DPEP1: variants seen among roughly 807,000 people sequenced by gnomAD.
DPEP1 encodes the protein dipeptidase 1.
Under a neutral mutation model 42.3 loss-of-function variants are expected in DPEP1, and 50 were observed. The observed-to-expected ratio is 1.18, with a 90% CI of 0.94 to 1.50. The LOEUF (loss-of-function observed/expected upper bound fraction) is 1.50, where lower values mean the gene tolerates loss of function less well. Ranked by LOEUF, DPEP1 falls within the 40% of genes most tolerant of loss-of-function variation. The pLI, the probability that DPEP1 is intolerant of heterozygous loss-of-function variation, is 0.00. For missense variants in DPEP1, 663 were observed against 553.0 expected (o/e 1.20, Z -1.99); for synonymous variants, 297 against 234.0 (o/e 1.27, Z -2.46).
chr16:89,626,725 G>A (rs2059518201), intron 1 of DPEP1, among the ~76,000 whole-genome samples: 2 of 151,930 alleles, frequency 1.3e-5, no homozygotes, highest in African/African-American at 2.4e-5. Flanking sequence ...TTTAAGACAT[G>A]CCTTGCCTCC....
At chr16:89,633,889 C>A (rs1399084926) in intron 2 of DPEP1, among the ~76,000 whole-genome samples, 1 of 152,124 alleles carries the variant, frequency 6.6e-6, no homozygotes, top group African/African-American at 2.4e-5. Flanking sequence ...GGGGCACAGC[C>A]CACATTACAG....
chr16:89,635,959 G>A lies in DPEP1; in HGVS notation c.156G>A (p.Gln52=), dbSNP rs765437850. The A allele has an allele frequency of 6.2e-7, 1 of 1,612,192 alleles. No homozygotes were observed. Among genetic ancestry groups the A allele is most frequent in the South Asian group, 1.1e-5 (1 of 91,020 alleles). The change falls in exon 3 of 11, where the codon CAG becomes CAA. Residue 52 remains glutamine (Q), a synonymous_variant. Transcript: ENST00000690203. ...TGGATATGTTCAACAACCGGCTGCAGGACGAGAGGGCCAACCTGACCACCT... is the reference window on the plus strand; with the variant it reads ...TGGATATGTTCAACAACCGGCTGCAAGACGAGAGGGCCAACCTGACCACCT... ...QLLDMFNNRL[Q]DERANLTTLA...
chr16:89,638,631 C>T (rs1008567677), downstream of DPEP1, among the ~76,000 whole-genome samples: 8 of 151,350 alleles, frequency 5.3e-5, no homozygotes, highest in East Asian at 7.8e-4. Context: ...CCAGTAGTCA[C>T]CTCCAGCCAT....
At chr16:89,620,294 A>G (rs1172680098) in intron 1 of DPEP1, among the ~76,000 whole-genome samples, 1 of 151,994 alleles carries the variant, frequency 6.6e-6, no homozygotes, top group Non-Finnish European at 1.5e-5. Context: ...TGGGGGGGAC[A>G]CACGACCTGG....
rs774380984 is a variant in DPEP1, at chr16:89,636,657, C to A, written c.495C>A (p.Thr165=). Residue 165 remains threonine (T), a synonymous_variant, in exon 5 of 11, where the codon ACC becomes ACA. Coordinates refer to ENST00000690203, the MANE Select transcript of DPEP1 (RefSeq NM_001389466.1). ...ALYQLGMRYL[T]LTHSCNTPWA... ...ATCAGCTGGGCATGCGGTACCTGAC[C>A]CTCACCCACAGCTGCAACACGCCCT... The A allele has an allele frequency of 1.9e-6, 3 of 1,612,436 alleles. No homozygotes were observed. The highest frequency in any genetic ancestry group is 3.3e-5 in the Admixed American group (2 of 59,998).
In DPEP1 at chr16:89,630,485, G is replaced by A. The variant is rs772984140; in HGVS notation, c.75G>A (p.Arg25=). 1.2e-6 allele frequency: 2 copies of A among 1,603,840 alleles called. No individual in the cohort carries two copies. The highest frequency in any genetic ancestry group is 2.2e-5 in the South Asian group (2 of 90,548). The change falls in exon 2 of 11, where the codon AGG becomes AGA. Residue 25 remains arginine, a synonymous_variant. Coordinates refer to ENST00000690203, the MANE Select transcript of DPEP1 (RefSeq NM_001389466.1). ...ACTTCTTTCGGGACGAGGCAGAGAG[G>A]ATCATGAGGGACTCCCCTGTCATTG... is the stretch of plus-strand genomic sequence containing the variant. The part of the protein sequence containing the change: ...TADFFRDEAE[R]IMRDSPVIDG...
At chr16:89,638,528 A>T, downstream of DPEP1, 18 of 1,189,850 alleles carry the variant, frequency 1.5e-5, no homozygotes, top group Non-Finnish European at 1.8e-5. Flanking sequence ...GTGATCCTGG[A>T]TCGAGTCTTC....
At chr16:89,613,988 A>G (rs1233181420) in intron 1 of DPEP1, among the ~76,000 whole-genome samples, 1 of 145,266 alleles carries the variant, frequency 6.9e-6, no homozygotes, top group African/African-American at 2.6e-5. Context: ...GGCTGGCACC[A>G]GGTGTGTGGG....
At chr16:89,627,302 A>C (rs1395466581) in intron 1 of DPEP1, among the ~76,000 whole-genome samples, 12 of 127,202 alleles carry the variant, frequency 9.4e-5, no homozygotes, top group South Asian at 7.7e-4. Flanking sequence ...CAGATGTGGG[A>C]TCAGGCATGG....
intron 6 of DPEP1, 102 bp downstream of exon 6, chr16:89,637,037 G>C: frequency 6.5e-7 from 1 of 1,546,014 alleles, no homozygotes; most frequent in Non-Finnish European, 8.7e-7. Flanking sequence ...CAGTGTCCTT[G>C]TCTGTAAAAT....
intron 2 of DPEP1, among the ~76,000 whole-genome samples, chr16:89,634,323 G>C (rs1013126939): frequency 1.3e-5 from 2 of 152,056 alleles, no homozygotes; most frequent in African/African-American, 2.4e-5. Flanking sequence ...TCCTGACCTT[G>C]TGATCTGCCC....
In DPEP1 at chr16:89,615,281, G is replaced by A. The variant is rs1041869005; in HGVS notation, c.-107+1562G>A. 5.9e-5 allele frequency among the ~76,000 whole-genome samples: 9 copies of A among 152,186 alleles called. No individual in the cohort carries two copies. The South Asian group carries it at 1.0e-3, about 17-fold the overall frequency. On this transcript the variant is annotated intron_variant, in intron 1 of 10. Coordinates refer to ENST00000690203, the MANE Select transcript of DPEP1 (RefSeq NM_001389466.1). ...AGCCCCAAAGCGGCCTCTCAGAGCC[G>A]CCCCTGAGGGGTGGCCTCACAGGTC...
At position 89,635,886 on chromosome 16, in the gene DPEP1, G is replaced by A. The variant is rs774020055; in HGVS notation, c.105-22G>A. On this transcript the variant is annotated intron_variant, in intron 2 of 10. Coordinates refer to ENST00000690203, the MANE Select transcript of DPEP1 (RefSeq NM_001389466.1). ...TCCCAGTGGCCGCCCTGACTGCCTGGCCTCTCCCCGGCAAACTCCAGGCAC... is the reference window on the plus strand; with the variant it reads ...TCCCAGTGGCCGCCCTGACTGCCTGACCTCTCCCCGGCAAACTCCAGGCAC... The A allele has an allele frequency of 2.5e-6, 4 of 1,575,744 alleles. No homozygotes were observed. The East Asian group carries it at 6.7e-5, about 26-fold the overall frequency.
downstream of DPEP1, among the ~76,000 whole-genome samples, chr16:89,640,987 G>A (rs1052500413): frequency 2.6e-5 from 4 of 152,218 alleles, no homozygotes; most frequent in Admixed American, 1.3e-4. Flanking sequence ...CGAGTCACGT[G>A]TCCACTGGAC....
At chr16:89,636,225 CT>C in intron 3 of DPEP1, 38 bp from the exon 4 acceptor site, 1 of 1,584,592 alleles carries the variant, frequency 6.3e-7, no homozygotes, top group East Asian at 2.3e-5. Context: ...GGGCTGAGAC[CT>C]GGCTGCATCA....
upstream of DPEP1, chr16:89,613,402 G>A (rs1334506041): frequency 1.3e-5 from 2 of 152,326 alleles, no homozygotes; most frequent in African/African-American, 2.4e-5. Flanking sequence ...AGCCTTGGGG[G>A]AGGTCAGGAC....
At chr16:89,634,091 CTT>C (rs3039849) in intron 2 of DPEP1, among the ~76,000 whole-genome samples, 5 of 123,676 alleles carry the variant, frequency 4.0e-5, no homozygotes, top group Non-Finnish European at 3.1e-5. Flanking sequence ...TTCTCTTCTT[CTT>C]TTTTTTTTTT....
At chr16:89,626,701 C>G (rs1322375291) in intron 1 of DPEP1, among the ~76,000 whole-genome samples, 1 of 151,742 alleles carries the variant, frequency 6.6e-6, no homozygotes, top group Admixed American at 6.6e-5. Flanking sequence ...CTCAAACTCT[C>G]TCCCCCGCTG....
intron 1 of DPEP1, among the ~76,000 whole-genome samples, chr16:89,622,258 A>G (rs1054930391): frequency 1.3e-5 from 2 of 152,108 alleles, no homozygotes; most frequent in African/African-American, 2.4e-5. Flanking sequence ...AAGCCTCACT[A>G]TGGCCAGGGG....
Sources: gnomAD v4.1 joint callset for allele counts (sites outside exome capture counted in the v4.1 genomes callset) on GRCh38, gnomAD v4.1.1 for gene constraint, MANE v1.5 for transcripts, NCBI Gene and HGNC (gene_info 2026-07-23, HGNC 2026-07-21) for gene names.